Variants in TJP2 observed in about 807,000 individuals in gnomAD.
TJP2 encodes the protein Friedreich ataxia region gene X104 (tight junction protein ZO-2).
TJP2 carries 91 observed loss-of-function variants against 133.1 expected under a neutral mutation model. The observed-to-expected ratio is 0.68, with a 90% CI of 0.58 to 0.81. The LOEUF (loss-of-function observed/expected upper bound fraction) is 0.81. Ranked by LOEUF, TJP2 falls within the 40% of genes least tolerant of loss-of-function variation. The pLI is 0.00. For missense variants in TJP2, 1,541 were observed against 1,565.6 expected (o/e 0.98, Z 0.26); for synonymous variants, 592 against 583.4 (o/e 1.01, Z -0.21).
At chr9:69,167,979 A>G (rs934906354) in intron 2 of TJP2, among the ~76,000 whole-genome samples, 11 of 152,362 alleles carry the variant, frequency 7.2e-5, no homozygotes, top group Admixed American at 7.2e-4. Flanking sequence ...CAAAAACCGC[A>G]ATTACTGTTG....
At chr9:69,138,215 C>G (rs2133277043) in intron 1 of TJP2, among the ~76,000 whole-genome samples, 1 of 152,288 alleles carries the variant, frequency 6.6e-6, no homozygotes, top group East Asian at 1.9e-4. Flanking sequence ...TCTTTGTTTG[C>G]TCATAATAGT....
At position 69,216,475 on chromosome 9, in the gene TJP2, C is replaced by A. The variant is rs774438583; in HGVS notation, c.239+12C>A. On this transcript the variant is annotated intron_variant, in intron 3 of 22. Coordinates refer to ENST00000377245, the MANE Select transcript of TJP2 (RefSeq NM_004817.4). ...GATGGGCTGCTCCAGTGAGTGTCCT[C>A]CCTCGCTCCGCAGCCCCTACCAGCC... is the stretch of plus-strand genomic sequence containing the variant. The A allele has an allele frequency of 1.9e-6, 3 of 1,613,474 alleles. No individual in the cohort carries two copies. Among genetic ancestry groups the A allele is most frequent in the Non-Finnish European group, 2.5e-6 (3 of 1,180,010 alleles).
At position 69,248,041 on chromosome 9, in the gene TJP2, C is replaced by T; in HGVS notation, c.2697C>T (p.Asp899=). 6.2e-7 allele frequency: 1 copy of T among 1,612,864 alleles called. No individual in the cohort carries two copies. Among genetic ancestry groups the T allele is most frequent in the South Asian group, 1.1e-5 (1 of 90,970 alleles). ...AAGGGATGGATGATGACCCCGAAGA[C>T]CGCATGTCCTACTTAACCGCCATGG... The part of the protein sequence containing the change: ...KMEGMDDDPE[D]RMSYLTAMGA... The change falls in exon 19 of 23, where the codon GAC becomes GAT. Residue 899 remains aspartate (D), a synonymous_variant. Coordinates refer to ENST00000377245, the MANE Select transcript of TJP2 (RefSeq NM_004817.4).
At chr9:69,248,628 T>G in intron 19 of TJP2, 1 of 1,101,296 alleles carries the variant, frequency 9.1e-7, no homozygotes, top group Admixed American at 4.8e-5. Context: ...CCTTTAACCT[T>G]TCTAATCTTG....
intron 2 of TJP2, among the ~76,000 whole-genome samples, chr9:69,156,523 A>ATTT (rs71354318): frequency 8.6e-5 from 7 of 81,146 alleles, no homozygotes; most frequent in African/African-American, 2.7e-4. Context: ...TACATGTAAG[A>ATTT]TTTTTTTTTT....
rs1829588745 is a variant in TJP2, at chr9:69,229,308, C to T, written c.1520+58C>T. ...CTTCCTTACAGCTCTGTCTCTGTAA[C>T]TGAAATCCAGAAGAGTGGTGGTTTT... is the stretch of plus-strand genomic sequence containing the variant. On this transcript the variant is annotated intron_variant, in intron 10 of 22. Transcript: ENST00000377245. The T allele has an allele frequency of 1.9e-6, 3 of 1,551,124 alleles. No homozygotes were observed. In the Admixed American group the frequency reaches 5.0e-5, roughly 26 times the overall value.
At chr9:69,254,138 G>A in intron 22 of TJP2, 71 bp from the exon 23 acceptor site, 2 of 1,567,010 alleles carry the variant, frequency 1.3e-6, no homozygotes, top group South Asian at 1.1e-5. Flanking sequence ...TGTGCTCAGA[G>A]CCATGCCTCC....
chr9:69,169,153 T>G (rs900526641), intron 2 of TJP2, among the ~76,000 whole-genome samples: 1 of 152,218 alleles, frequency 6.6e-6, no homozygotes, highest in African/African-American at 2.4e-5. Context: ...TCTCCTAACG[T>G]GTCACAATGT....
In TJP2 at chr9:69,248,146, CAAT is replaced by C; in HGVS notation, c.2803_2805del (p.Asn935del). ...ACGGTGAAGGAGGCGCCTACACTGACAATGAGCTGGATGAGCCAGCCGAGGAGC... is the reference window on the plus strand; with the variant it reads ...ACGGTGAAGGAGGCGCCTACACTGACGAGCTGGATGAGCCAGCCGAGGAGC... On this transcript the variant is annotated inframe_deletion, in exon 19 of 23. Transcript: ENST00000377245. The C allele has an allele frequency of 6.2e-7, 1 of 1,614,164 alleles. No homozygotes were observed. Among genetic ancestry groups the C allele is most frequent in the Non-Finnish European group, 8.5e-7 (1 of 1,180,024 alleles).
At position 69,236,973 on chromosome 9, in the gene TJP2, A is replaced by G. The variant is rs769169279; in HGVS notation, c.2016A>G (p.Gln672=). The G allele has an allele frequency of 1.2e-6, 2 of 1,614,094 alleles. No homozygotes were observed. Among genetic ancestry groups the G allele is most frequent in the Admixed American group, 1.7e-5 (1 of 60,002 alleles). The change falls in exon 14 of 23, where the codon CAA becomes CAG. Residue 672 remains glutamine (Q), a synonymous_variant. Transcript: ENST00000377245. ...KSRAEQMASV[Q]NAQRDNAGDR... is the part of the protein sequence containing the mutation. ...GAGCTGAACAAATGGCCAGTGTTCA[A>G]AATGCCCAGAGAGACAACGCTGGGG... is the stretch of plus-strand genomic sequence containing the variant.
chr9:69,145,254 T>G (rs965512859), intron 1 of TJP2, among the ~76,000 whole-genome samples: 2 of 152,308 alleles, frequency 1.3e-5, no homozygotes, highest in East Asian at 1.9e-4. Context: ...GAGAGAGAGA[T>G]ATTTGTAGAA....
intron 1 of TJP2, among the ~76,000 whole-genome samples, chr9:69,180,416 G>C (rs1396478738): frequency 2.0e-5 from 3 of 152,158 alleles, no homozygotes; most frequent in Non-Finnish European, 2.9e-5. Flanking sequence ...TAGCTTCAAG[G>C]ACCTTCTAGG....
intron 17 of TJP2, among the ~76,000 whole-genome samples, chr9:69,245,866 G>A (rs1285762002): frequency 6.6e-6 from 1 of 152,106 alleles, no homozygotes; most frequent in Admixed American, 6.5e-5. Flanking sequence ...ACACTGGTTG[G>A]GTTTGTTTAA....
chr9:69,142,066 C>T (rs1308323658), intron 1 of TJP2, among the ~76,000 whole-genome samples: 1 of 152,150 alleles, frequency 6.6e-6, no homozygotes, highest in African/African-American at 2.4e-5. Flanking sequence ...TGGGGACACA[C>T]AGGAATGGAT....
chr9:69,138,526 G>C (rs1363034839), intron 1 of TJP2, among the ~76,000 whole-genome samples: 1 of 151,738 alleles, frequency 6.6e-6, no homozygotes, highest in Non-Finnish European at 1.5e-5. Flanking sequence ...CAGCACTTTG[G>C]GAGGCTGAGG....
intron 22 of TJP2, chr9:69,253,443 A>G (rs1831486242): frequency 6.5e-6 from 1 of 154,544 alleles, no homozygotes; most frequent in Non-Finnish European, 1.4e-5. Flanking sequence ...AAAAAGTCAC[A>G]TTTTCTTGTG....
chr9:69,171,078 T>C (rs1254404324), upstream of TJP2, among the ~76,000 whole-genome samples: 1 of 152,154 alleles, frequency 6.6e-6, no homozygotes, highest in Non-Finnish European at 1.5e-5. Context: ...GTAACTAAAC[T>C]CATCATCTTT....
At chr9:69,249,749 A>G in intron 20 of TJP2, 1 of 985,010 alleles carries the variant, frequency 1.0e-6, no homozygotes, top group Non-Finnish European at 1.2e-6. Flanking sequence ...CTTGTTAAAA[A>G]AAGATTGTAA....
intron 1 of TJP2, among the ~76,000 whole-genome samples, chr9:69,192,797 G>T (rs1826291847): frequency 6.6e-6 from 1 of 152,134 alleles, no homozygotes; most frequent in South Asian, 2.1e-4. Context: ...ATTCCTCACA[G>T]TGACAAGGGG....
Sources: gnomAD v4.1 joint callset for allele counts (sites outside exome capture counted in the v4.1 genomes callset) on GRCh38, gnomAD v4.1.1 for gene constraint, MANE v1.5 for transcripts, NCBI Gene and HGNC (gene_info 2026-07-23, HGNC 2026-07-21) for gene names.